ARL13B: variants seen among roughly 807,000 people sequenced by gnomAD.
The protein encoded by ARL13B is ARF like GTPase 13B.
Under a neutral mutation model 56.1 loss-of-function variants are expected in ARL13B, and 36 were observed. The ratio of observed to expected loss-of-function variants is 0.64; its 90% confidence interval spans 0.49 to 0.85. The LOEUF is 0.85. Among genes scored for constraint, ARL13B ranks in the 40% least tolerant of loss-of-function variants. The probability of loss-of-function intolerance (pLI) is 0.00; values close to 1 mark genes in which losing one functional copy is unlikely to be tolerated. For synonymous variants in ARL13B, 178 were observed against 171.1 expected (o/e 1.04, Z -0.32); for missense variants, 519 against 507.1 (o/e 1.02, Z -0.23).
At chr3:94,050,107 T>G (rs2077045748) in intron 8 of ARL13B, among the ~76,000 whole-genome samples, 1 of 143,430 alleles carries the variant, frequency 7.0e-6, no homozygotes, top group South Asian at 2.2e-4. Flanking sequence ...GAAGTTGCAG[T>G]GAGCCAAGAT....
chr3:94,039,088 T>G (rs1225337175), intron 5 of ARL13B, among the ~76,000 whole-genome samples: 1 of 152,198 alleles, frequency 6.6e-6, no homozygotes, highest in Non-Finnish European at 1.5e-5. Context: ...AGTCTTTTAT[T>G]CTTTTATACT....
At chr3:93,991,587 C>T (rs946148888) in intron 1 of ARL13B, among the ~76,000 whole-genome samples, 3 of 152,150 alleles carry the variant, frequency 2.0e-5, no homozygotes, top group African/African-American at 7.2e-5. Context: ...TTATGTTGCC[C>T]AAGCTGGTCT....
chr3:94,034,872 A>C (rs1354625603), intron 3 of ARL13B, among the ~76,000 whole-genome samples: 1 of 152,220 alleles, frequency 6.6e-6, no homozygotes, highest in African/African-American at 2.4e-5. Flanking sequence ...AAAAATGACA[A>C]AATTGATGCT....
rs146432756 is a variant in ARL13B, at chr3:94,008,485, T to A, written c.380+4577T>A. On this transcript the variant is annotated intron_variant, in intron 3 of 9. Transcript: ENST00000394222. ...GTAATACCAAATTTTAAGCTCAACA[T>A]CCAGTATAGACATTTTCCATTAATA... Among the ~76,000 whole-genome samples, 1,301 of 152,296 alleles carry A rather than the reference T, an allele frequency of 8.5e-3. 9 individuals carry two copies. The highest frequency in any genetic ancestry group is 0.034 in the Middle Eastern group (10 of 294).
chr3:94,047,010 C>CT (rs2076994960), intron 7 of ARL13B, among the ~76,000 whole-genome samples: 1 of 152,016 alleles, frequency 6.6e-6, no homozygotes, highest in Non-Finnish European at 1.5e-5. Flanking sequence ...ATGTAACATT[C>CT]TTTAGTCTTA....
intron 5 of ARL13B, among the ~76,000 whole-genome samples, chr3:94,039,266 AG>A (rs1399425199): frequency 6.6e-6 from 1 of 152,076 alleles, no homozygotes; most frequent in Non-Finnish European, 1.5e-5. Context: ...TTTGGGAGGC[AG>A]AGGCAGGCAG....
chr3:94,021,713 A>T (rs1181314819), intron 3 of ARL13B, among the ~76,000 whole-genome samples: 1 of 152,148 alleles, frequency 6.6e-6, no homozygotes, highest in East Asian at 1.9e-4. Flanking sequence ...TTTATCTTGT[A>T]TAGCTTCCTA....
intron 9 of ARL13B, among the ~76,000 whole-genome samples, chr3:94,051,676 A>T (rs191817446): frequency 6.6e-6 from 1 of 152,100 alleles, no homozygotes; most frequent in Non-Finnish European, 1.5e-5. Context: ...AGAACATCCA[A>T]TTCCTTTTTG....
chr3:94,047,176 G>T (rs879503332), intron 7 of ARL13B, among the ~76,000 whole-genome samples: 1 of 152,092 alleles, frequency 6.6e-6, no homozygotes, highest in Non-Finnish European at 1.5e-5. Context: ...ATATGGCTTT[G>T]TTATTTATAA....
chr3:94,027,086 A>G (rs2076572748), intron 3 of ARL13B, among the ~76,000 whole-genome samples: 1 of 152,098 alleles, frequency 6.6e-6, no homozygotes, highest in Non-Finnish European at 1.5e-5. Context: ...AAAGTAGGCC[A>G]TTTCTTTTCA....
rs113838761 is a variant in ARL13B, at chr3:94,053,435, T to C, written c.*172T>C. 2.9e-5 allele frequency: 21 copies of C among 721,926 alleles called. No individual in the cohort carries two copies. Among genetic ancestry groups the C allele is most frequent in the African/African-American group, 8.7e-5 (5 of 57,536 alleles). 44.7% of individuals were successfully genotyped at this position (721,926 alleles called of 1,614,324 possible). The stretch of plus-strand genomic sequence containing the variant: ...ACTTGATAATTACTTATTTGTGTTT[T>C]TCATGGTTAAAAAAATAAAAGAAGC... On this transcript the variant is annotated 3_prime_UTR_variant, in exon 10 of 10. Transcript: ENST00000394222.
intron 2 of ARL13B, among the ~76,000 whole-genome samples, chr3:94,001,979 A>G (rs547906312): frequency 7.5e-4 from 114 of 152,344 alleles, no homozygotes; most frequent in African/African-American, 2.7e-3. Flanking sequence ...TAGCAAAAGT[A>G]TGACTTGTAG....
chr3:94,050,792 A>G (rs2077054463), intron 8 of ARL13B, 32 bp from the exon 9 acceptor site: 1 of 1,591,538 alleles, frequency 6.3e-7, no homozygotes. Context: ...CTTGTTTAAC[A>G]GTGTTTTTTA....
chr3:93,996,678 C>T (rs748541668), intron 2 of ARL13B: 19 of 416,536 alleles, frequency 4.6e-5, no homozygotes, highest in Middle Eastern at 3.5e-4. Context: ...ACGCCCAGCC[C>T]GGCCAGGTAA....
In ARL13B at chr3:93,988,048, G is replaced by A. The variant is rs77184205; in HGVS notation, c.59+7566G>A. Among the ~76,000 whole-genome samples, 28 of 152,162 alleles carry A rather than the reference G, an allele frequency of 1.8e-4. No homozygotes were observed. In the East Asian group the frequency reaches 4.5e-3, roughly 24 times the overall value. On this transcript the variant is annotated intron_variant, in intron 1 of 9. Coordinates refer to ENST00000394222, the MANE Select transcript of ARL13B (RefSeq NM_001174150.2). ...GCCAGTATCTACAAGTGTTTGATAA[G>A]CTGTACACGTTCTACCAATTCACAG...
At chr3:93,991,221 T>A (rs1297346391) in intron 1 of ARL13B, among the ~76,000 whole-genome samples, 1 of 152,230 alleles carries the variant, frequency 6.6e-6, no homozygotes, top group Non-Finnish European at 1.5e-5. Flanking sequence ...TACTGTATAT[T>A]ATTTTTTCAA....
chr3:94,015,382 T>A, intron 3 of ARL13B: 1 of 838,782 alleles, frequency 1.2e-6, no homozygotes, highest in South Asian at 3.2e-5. Context: ...GCAAAAGTTC[T>A]CCTAGTTTTC....
Position 93,997,121 on chromosome 3 carries a change from C to G in ARL13B, c.130+1177C>G, listed in dbSNP as rs35767685. On this transcript the variant is annotated intron_variant, in intron 2 of 9. Coordinates refer to ENST00000394222, the MANE Select transcript of ARL13B (RefSeq NM_001174150.2). ...GCAGGAAAACAAGCTTGGGGTCCCA[C>G]TGATTGTACATTATGGTGAGTTGTA... is the stretch of plus-strand genomic sequence containing the variant. 5.5e-3 allele frequency among the ~76,000 whole-genome samples: 838 copies of G among 152,042 alleles called. 4 individuals are homozygous for G. Among genetic ancestry groups the G allele is most frequent in the Middle Eastern group, 0.014 (4 of 294 alleles).
chr3:94,010,009 C>T (rs527971670), intron 3 of ARL13B, among the ~76,000 whole-genome samples: 19 of 152,246 alleles, frequency 1.2e-4, no homozygotes, highest in African/African-American at 4.3e-4. Context: ...GGACCACCTG[C>T]ATCAGCATCA....
Sources: allele counts gnomAD v4.1 joint callset (sites outside exome capture counted in the v4.1 genomes callset), GRCh38; gene constraint gnomAD v4.1.1; transcripts MANE v1.5; gene names NCBI Gene and HGNC (gene_info 2026-07-23, HGNC 2026-07-21).